ADCY2: variants seen among roughly 807,000 people sequenced by gnomAD.
The protein encoded by ADCY2 is adenylate cyclase type 2.
ADCY2 carries 31 observed loss-of-function variants against 125.2 expected under a neutral mutation model. That is an observed-to-expected ratio of 0.25 (90% CI 0.19 to 0.33). The LOEUF (loss-of-function observed/expected upper bound fraction) is 0.33, where lower values mean the gene tolerates loss of function less well. Ranked by LOEUF, ADCY2 falls within the 10% of genes least tolerant of loss-of-function variation. The pLI is 1.00. For missense variants in ADCY2, 904 were observed against 1,418.2 expected, an observed-to-expected ratio of 0.64 and a Z score of 5.82; for synonymous variants, 512 against 548.4, an observed-to-expected ratio of 0.93 and a Z score of 0.93.
chr5:7,554,979 G>A (rs1286790614), intron 3 of ADCY2, among the ~76,000 whole-genome samples: 1 of 152,134 alleles, frequency 6.6e-6, no homozygotes, highest in East Asian at 1.9e-4. Context: ...CTCCCCACAA[G>A]ATGCTTGAAG....
intron 11 of ADCY2, among the ~76,000 whole-genome samples, chr5:7,716,071 A>T (rs541664533): frequency 6.6e-6 from 1 of 152,312 alleles, no homozygotes; most frequent in South Asian, 2.1e-4. Flanking sequence ...TCCTGACATC[A>T]TTCTCATGCA....
intron 2 of ADCY2, among the ~76,000 whole-genome samples, chr5:7,442,855 G>A (rs888151234): frequency 6.6e-6 from 1 of 152,132 alleles, no homozygotes; most frequent in East Asian, 1.9e-4. Context: ...TCTGGGGGGA[G>A]TTGCTTTCTT....
In ADCY2 at chr5:7,709,528, A is replaced by G; in HGVS notation, c.1578+141A>G. ...CCTTCTTCTTCTCAGAGAGGCCCTTATGAACAACCATCAGGGTATGAGTGA... is the reference window on the plus strand; with the variant it reads ...CCTTCTTCTTCTCAGAGAGGCCCTTGTGAACAACCATCAGGGTATGAGTGA... On this transcript the variant is annotated intron_variant, in intron 10 of 24. Transcript: ENST00000338316. This position sits in a 1 kb window ranked among gnomAD's most constrained non-coding sequence, Gnocchi z 4.4. 9.8e-7 allele frequency: 1 copy of G among 1,022,488 alleles called. No individual in the cohort carries two copies. 63.3% of individuals were successfully genotyped at this position (1,022,488 alleles called of 1,614,324 possible). A position where few individuals can be genotyped will look rare whatever the true frequency, so the allele number is the denominator to read the frequency against.
chr5:7,662,798 G>A (rs1739577817), intron 4 of ADCY2, among the ~76,000 whole-genome samples: 1 of 152,274 alleles, frequency 6.6e-6, no homozygotes, highest in South Asian at 2.1e-4. Flanking sequence ...TCATGAAAGG[G>A]CTTTACAGAA....
intron 4 of ADCY2, among the ~76,000 whole-genome samples, chr5:7,659,299 C>T (rs1162819122): frequency 2.0e-5 from 3 of 152,196 alleles, no homozygotes; most frequent in Non-Finnish European, 4.4e-5. Context: ...CTCTCCAATG[C>T]AGTGCAATTT....
chr5:7,679,331 A>G (rs1740245892), intron 4 of ADCY2, among the ~76,000 whole-genome samples: 1 of 152,042 alleles, frequency 6.6e-6, no homozygotes, highest in Non-Finnish European at 1.5e-5. Flanking sequence ...GGAGGAAGAA[A>G]TAAAGAAGGT....
At chr5:7,728,112 T>C (rs888786361) in intron 14 of ADCY2, among the ~76,000 whole-genome samples, 1 of 152,192 alleles carries the variant, frequency 6.6e-6, no homozygotes. Context: ...GCAACCATTT[T>C]CAATCTAGTA....
chr5:7,588,097 A>G (rs879778445), intron 3 of ADCY2, among the ~76,000 whole-genome samples: 3 of 152,202 alleles, frequency 2.0e-5, no homozygotes, highest in Non-Finnish European at 2.9e-5. Context: ...AAAATTAAGA[A>G]AAGTAATTAG....
At chr5:7,530,979 C>T (rs1463630973) in intron 3 of ADCY2, among the ~76,000 whole-genome samples, 1 of 152,138 alleles carries the variant, frequency 6.6e-6, no homozygotes, top group South Asian at 2.1e-4. Flanking sequence ...ACAAATATCC[C>T]TCAGTCATGG....
At chr5:7,575,617 C>T (rs909157079) in intron 3 of ADCY2, among the ~76,000 whole-genome samples, 1 of 152,110 alleles carries the variant, frequency 6.6e-6, no homozygotes, top group Non-Finnish European at 1.5e-5. Flanking sequence ...AAATATTCCA[C>T]AGTCCTAGAT....
intron 3 of ADCY2, among the ~76,000 whole-genome samples, chr5:7,612,444 G>A (rs570897383): frequency 6.6e-6 from 1 of 152,354 alleles, no homozygotes; most frequent in East Asian, 1.9e-4. Context: ...CCATGGTGAG[G>A]TGGGCAGGAT....
intron 2 of ADCY2, among the ~76,000 whole-genome samples, chr5:7,489,688 A>G (rs898297385): frequency 1.3e-5 from 2 of 152,206 alleles, no homozygotes; most frequent in African/African-American, 4.8e-5. Flanking sequence ...TAAATTAGCC[A>G]GCCTTGGGTA....
chr5:7,703,340 G>A (rs1012774998), intron 7 of ADCY2, among the ~76,000 whole-genome samples: 1 of 152,140 alleles, frequency 6.6e-6, no homozygotes, highest in African/African-American at 2.4e-5. Context: ...TTTTCTTCTA[G>A]GGTTTTTATG....
chr5:7,546,861 C>T (rs891795183), intron 3 of ADCY2, among the ~76,000 whole-genome samples: 1 of 152,194 alleles, frequency 6.6e-6, no homozygotes, highest in African/African-American at 2.4e-5. Flanking sequence ...CCTTGGGGCT[C>T]AGCTTTAAAT....
intron 20 of ADCY2, chr5:7,794,219 C>G (rs1744347907): frequency 6.6e-6 from 1 of 152,202 alleles, no homozygotes; most frequent in South Asian, 2.1e-4. Context: ...TCACACAATG[C>G]AGATCTTCCC....
chr5:7,615,976 TA>T (rs1184715722), intron 3 of ADCY2, among the ~76,000 whole-genome samples: 4 of 152,166 alleles, frequency 2.6e-5, no homozygotes, highest in Non-Finnish European at 5.9e-5. Context: ...GAAATAAAAA[TA>T]TTATATTTTA....
intron 3 of ADCY2, among the ~76,000 whole-genome samples, chr5:7,599,172 C>T (rs765972046): frequency 5.3e-5 from 8 of 151,760 alleles, no homozygotes; most frequent in South Asian, 2.1e-4. Context: ...AGGGATAGCC[C>T]GGGGCAGATG....
intron 3 of ADCY2, among the ~76,000 whole-genome samples, chr5:7,529,274 T>C (rs920471925): frequency 7.9e-5 from 12 of 151,770 alleles, no homozygotes; most frequent in Non-Finnish European, 2.9e-5. Context: ...GTGGGCCAGG[T>C]GCATAGTTAG....
chr5:7,788,551 A>G (rs542522952), intron 19 of ADCY2, among the ~76,000 whole-genome samples: 12 of 152,376 alleles, frequency 7.9e-5, no homozygotes, highest in African/African-American at 2.9e-4. Context: ...AGATAAACAT[A>G]AATGCCACAC....
Sources: allele counts gnomAD v4.1 joint callset (sites outside exome capture counted in the v4.1 genomes callset), GRCh38; gene constraint gnomAD v4.1.1; non-coding constraint Gnocchi (gnomAD v3.1); transcripts MANE v1.5; gene names NCBI Gene and HGNC (gene_info 2026-07-23, HGNC 2026-07-21).